Variants in PLOD2 observed in about 807,000 individuals in gnomAD.
The protein encoded by PLOD2 is procollagen-lysine,2-oxoglutarate 5-dioxygenase 2, also known as lysine hydroxylase 2.
A neutral mutation model predicts 101.0 loss-of-function variants in PLOD2; 65 were observed. That is an observed-to-expected ratio of 0.64 (90% CI 0.53 to 0.79). PLOD2 has a LOEUF of 0.79. PLOD2 is among the 30% of genes least tolerant of loss of function. The pLI is 0.00. For missense variants in PLOD2, 909 were observed against 914.6 expected (o/e 0.99, Z 0.08); for synonymous variants, 314 against 302.9 (o/e 1.04, Z -0.38).
rs1367178013 is a variant in PLOD2 at position 146,069,647 on chromosome 3, A to G, written c.*1070T>C. On this transcript the variant is annotated 3_prime_UTR_variant, in exon 20 of 20. Coordinates refer to ENST00000282903, the MANE Select transcript of PLOD2 (RefSeq NM_182943.3). ...TGGAGAATTTTTTTATAAGCGGGAT[A>G]GAGGGAAGTTAACATAGACACTCAG... is the stretch of plus-strand genomic sequence containing the variant. 1 of 152,140 alleles carries G rather than the reference A, an allele frequency of 6.6e-6. No homozygotes were observed. Among genetic ancestry groups the G allele is most frequent in the Non-Finnish European group, 1.5e-5 (1 of 67,834 alleles). The allele number at this position is 152,140 out of a possible 1,614,324, so 9.4% of individuals were successfully genotyped here. A position where few individuals can be genotyped will look rare whatever the true frequency, so the allele number is the denominator to read the frequency against.
rs1439245261 is a variant in PLOD2, at chr3:146,146,196, A to G, written c.109+14685T>C. 5.9e-5 allele frequency among the ~76,000 whole-genome samples: 9 copies of G among 152,276 alleles called. No homozygotes were observed. In the East Asian group the frequency reaches 1.4e-3, roughly 23 times the overall value. Reference sequence around the variant, plus strand: ...ATGCTAAGCCCTTACTTGGGTCCCTATTGTCAAAAACATCCATAAAAATTT... The same window carrying G: ...ATGCTAAGCCCTTACTTGGGTCCCTGTTGTCAAAAACATCCATAAAAATTT... On this transcript the variant is annotated intron_variant, in intron 1 of 19. Coordinates refer to ENST00000282903, the MANE Select transcript of PLOD2 (RefSeq NM_182943.3).
At position 146,135,267 on chromosome 3, in the gene PLOD2, G is replaced by A. The variant is rs532217812; in HGVS notation, c.110-11038C>T. The stretch of plus-strand genomic sequence containing the variant: ...GCTGAAGTTCTCCACATTGTTCTAC[G>A]AGTTGAAGTTGCTATATAAGATATT... On this transcript the variant is annotated intron_variant, in intron 1 of 19. Transcript: ENST00000282903. Among the ~76,000 whole-genome samples the A allele has an allele frequency of 3.9e-5, 6 of 152,164 alleles. No homozygotes were observed. The East Asian group carries it at 9.6e-4, about 24-fold the overall frequency.
chr3:146,080,766 A>C (rs1434532188), intron 12 of PLOD2, among the ~76,000 whole-genome samples: 1 of 152,164 alleles, frequency 6.6e-6, no homozygotes, highest in Admixed American at 6.5e-5. Context: ...CCCAGAGTCA[A>C]TACAACTGCA....
At chr3:146,102,650 TAA>T in intron 7 of PLOD2, 103 bp downstream of exon 7, 1 of 676,896 alleles carries the variant, frequency 1.5e-6, no homozygotes, top group Non-Finnish European at 2.7e-6. Context: ...AGCACCAAAA[TAA>T]AGTCTTTGAA....
chr3:146,148,338 G>GCACA (rs71158220), intron 1 of PLOD2, among the ~76,000 whole-genome samples: 4,127 of 146,484 alleles, frequency 0.028, 135 homozygotes, highest in Admixed American at 0.094. Context: ...AGGCAGGCAC[G>GCACA]CACACACACA....
intron 1 of PLOD2, among the ~76,000 whole-genome samples, chr3:146,126,954 T>TAA (rs1165244066): frequency 6.6e-6 from 1 of 152,182 alleles, no homozygotes; most frequent in Non-Finnish European, 1.5e-5. Flanking sequence ...CCATATGTGA[T>TAA]AAATACTGAA....
intron 2 of PLOD2, 150 bp from the exon 3 acceptor site, chr3:146,121,398 T>G: frequency 1.4e-6 from 1 of 707,900 alleles, no homozygotes. Flanking sequence ...AAAAAAAATC[T>G]AGATGCCTAA....
In PLOD2 at chr3:146,096,886, G is replaced by GGA. The variant is rs1310310249; in HGVS notation, c.778-4986_778-4985insTC. On this transcript the variant is annotated intron_variant, in intron 7 of 19. Transcript: ENST00000282903. ...GCCCCGTCCGGGAGGGAGGTGGGGG[G>GGA]GGGGAGTCGGCCAGCCGCCCCGTCC... Among the ~76,000 whole-genome samples the GGA allele has an allele frequency of 3.0e-5, 4 of 132,650 alleles. 1 individual carries two copies. Among genetic ancestry groups the GGA allele is most frequent in the Non-Finnish European group, 1.6e-5 (1 of 61,318 alleles). 87.0% of individuals were successfully genotyped at this position (132,650 alleles called of 152,430 possible). A position where few individuals can be genotyped will look rare whatever the true frequency, so the allele number is the denominator to read the frequency against.
At chr3:146,147,535 C>T (rs1294364199) in intron 1 of PLOD2, among the ~76,000 whole-genome samples, 2 of 152,164 alleles carry the variant, frequency 1.3e-5, no homozygotes, top group East Asian at 3.9e-4. Flanking sequence ...TGGGGTGGGG[C>T]TGGGAGAGAG....
chr3:146,079,104 T>G lies in PLOD2; in HGVS notation c.1500+12A>C, dbSNP rs73010484. 9.3e-6 allele frequency: 15 copies of G among 1,611,146 alleles called. No homozygotes were observed. Among genetic ancestry groups the G allele is most frequent in the Non-Finnish European group, 1.1e-5 (13 of 1,177,770 alleles). On this transcript the variant is annotated intron_variant, in intron 13 of 19. Transcript: ENST00000282903. ...TAAGAACATTCAAGCAAGCCATCACTGCATATCTTACCATTTCTCTAGCAT... is the reference window on the plus strand; with the variant it reads ...TAAGAACATTCAAGCAAGCCATCACGGCATATCTTACCATTTCTCTAGCAT...
At chr3:146,158,100 A>C (rs1319286479) in intron 1 of PLOD2, among the ~76,000 whole-genome samples, 1 of 152,146 alleles carries the variant, frequency 6.6e-6, no homozygotes, top group East Asian at 1.9e-4. Flanking sequence ...CACAAATTTT[A>C]TCCAGGTCTG....
At chr3:146,078,969 T>G (rs1936434658) in intron 13 of PLOD2, 147 bp downstream of exon 13, 1 of 730,912 alleles carries the variant, frequency 1.4e-6, no homozygotes, top group Non-Finnish European at 2.4e-6. Flanking sequence ...CCAAAATTAC[T>G]CCCAAATTTT....
At chr3:146,108,392 C>T (rs1464336355) in intron 4 of PLOD2, among the ~76,000 whole-genome samples, 1 of 152,084 alleles carries the variant, frequency 6.6e-6, no homozygotes, top group Non-Finnish European at 1.5e-5. Context: ...CTACGTTGCA[C>T]AGCCTGGCCT....
chr3:146,142,796 A>G (rs2031583614), intron 1 of PLOD2, among the ~76,000 whole-genome samples: 2 of 152,158 alleles, frequency 1.3e-5, no homozygotes, highest in African/African-American at 2.4e-5. Flanking sequence ...GCCTAAGATT[A>G]TAAGAAAGGG....
intron 7 of PLOD2, among the ~76,000 whole-genome samples, chr3:146,093,413 A>G (rs1351215400): frequency 6.6e-6 from 1 of 152,218 alleles, no homozygotes; most frequent in African/African-American, 2.4e-5. Context: ...CGACATTTCA[A>G]GAGTCAATGT....
chr3:146,075,739 G>GTGAT (rs1172546631), intron 15 of PLOD2, among the ~76,000 whole-genome samples: 1 of 151,470 alleles, frequency 6.6e-6, no homozygotes, highest in Non-Finnish European at 1.5e-5. Flanking sequence ...TTCTAAAATT[G>GTGAT]TGATTAAAAC....
At chr3:146,095,567 G>A (rs562838759) in intron 7 of PLOD2, among the ~76,000 whole-genome samples, 3 of 152,282 alleles carry the variant, frequency 2.0e-5, no homozygotes, top group East Asian at 3.9e-4. Flanking sequence ...ACGGATGCTG[G>A]TGAGGATACG....
chr3:146,157,932 A>G (rs1357721883), intron 1 of PLOD2, among the ~76,000 whole-genome samples: 1 of 152,140 alleles, frequency 6.6e-6, no homozygotes, highest in Non-Finnish European at 1.5e-5. Flanking sequence ...TTTTCCTTGA[A>G]TGTACCACAG....
intron 3 of PLOD2, among the ~76,000 whole-genome samples, chr3:146,111,255 T>C (rs1418874229): frequency 6.6e-6 from 1 of 152,138 alleles, no homozygotes; most frequent in Non-Finnish European, 1.5e-5. Flanking sequence ...CAGTGCACCT[T>C]AAGACCAAAG....
Sources: allele counts gnomAD v4.1 joint callset (sites outside exome capture counted in the v4.1 genomes callset), GRCh38; gene constraint gnomAD v4.1.1; transcripts MANE v1.5; gene names NCBI Gene and HGNC (gene_info 2026-07-23, HGNC 2026-07-21).